Variants in BAIAP2 observed in about 807,000 individuals in gnomAD.
BAIAP2 encodes BAR/IMD domain-containing adapter protein 2.
In BAIAP2, 18 loss-of-function variants were observed where a neutral mutation model predicts 63.0. That is an observed-to-expected ratio of 0.29 (90% CI 0.20 to 0.42). The LOEUF (loss-of-function observed/expected upper bound fraction) is 0.42. Among genes scored for constraint, BAIAP2 ranks in the 10% least tolerant of loss-of-function variants. The probability of loss-of-function intolerance (pLI) is 1.00; values close to 1 mark genes in which losing one functional copy is unlikely to be tolerated. For synonymous variants in BAIAP2, 386 were observed against 307.6 expected, an observed-to-expected ratio of 1.25 and a Z score of -2.67; for missense variants, 610 against 734.3, an observed-to-expected ratio of 0.83 and a Z score of 1.96.
At chr17:81,053,548 T>C (rs2049004086) in intron 1 of BAIAP2, 120 bp from the exon 2 acceptor site, 1 of 1,005,474 alleles carries the variant, frequency 9.9e-7, no homozygotes, top group South Asian at 1.4e-5. Flanking sequence ...CCTTGAGCAT[T>C]TGTGGTGTCG....
At chr17:81,072,757 G>T (rs1163326077) in intron 3 of BAIAP2, among the ~76,000 whole-genome samples, 2 of 151,952 alleles carry the variant, frequency 1.3e-5, no homozygotes, top group Admixed American at 6.5e-5. Context: ...TCTTCGCCCA[G>T]CGTCCTCTGC....
intron 6 of BAIAP2, among the ~76,000 whole-genome samples, chr17:81,096,109 G>A (rs1192170191): frequency 6.6e-6 from 1 of 152,192 alleles, no homozygotes; most frequent in African/African-American, 2.4e-5. Flanking sequence ...ACTCCAAGCA[G>A]CACCTTCTCT....
intron 3 of BAIAP2, among the ~76,000 whole-genome samples, chr17:81,065,151 C>T (rs976019143): frequency 6.6e-6 from 1 of 152,174 alleles, no homozygotes; most frequent in Non-Finnish European, 1.5e-5. Context: ...ACTGGCAGCT[C>T]GGGGAGACTG....
chr17:81,098,968 C>G (rs1598772772), intron 6 of BAIAP2, among the ~76,000 whole-genome samples: 1 of 10,800 alleles, frequency 9.3e-5, no homozygotes, highest in South Asian at 4.2e-3. Context: ...CCCCGTCCCC[C>G]CATCCCCCCA....
intron 1 of BAIAP2, among the ~76,000 whole-genome samples, chr17:81,047,952 C>T (rs1224369718): frequency 6.6e-6 from 1 of 152,258 alleles, no homozygotes; most frequent in Non-Finnish European, 1.5e-5. Flanking sequence ...TACGCGCCCA[C>T]CCTGGCATCT....
chr17:81,058,325 A>G (rs1568090733), intron 3 of BAIAP2, among the ~76,000 whole-genome samples: 1 of 152,182 alleles, frequency 6.6e-6, no homozygotes, highest in Non-Finnish European at 1.5e-5. Flanking sequence ...AAAAGGATGC[A>G]AGCCCACGTG....
At chr17:81,112,006 T>A (rs2059981502) in intron 13 of BAIAP2, among the ~76,000 whole-genome samples, 1 of 152,248 alleles carries the variant, frequency 6.6e-6, no homozygotes, top group South Asian at 2.1e-4. Flanking sequence ...TGTTGTTGAT[T>A]TTCGGCAACA....
At chr17:81,048,122 C>T (rs552229392) in intron 1 of BAIAP2, among the ~76,000 whole-genome samples, 10 of 152,322 alleles carry the variant, frequency 6.6e-5, no homozygotes, top group East Asian at 5.8e-4. Flanking sequence ...CAGTGGCTCT[C>T]GCCTGTAATC....
chr17:81,111,200 CCT>C (rs2059888675), intron 13 of BAIAP2, among the ~76,000 whole-genome samples: 1 of 152,258 alleles, frequency 6.6e-6, no homozygotes, highest in Non-Finnish European at 1.5e-5. Flanking sequence ...GCCCGGGGCT[CCT>C]CTCACTGCTG....
intron 1 of BAIAP2, among the ~76,000 whole-genome samples, chr17:81,035,650 G>A (rs1427592783): frequency 6.6e-6 from 1 of 151,340 alleles, no homozygotes; most frequent in Non-Finnish European, 1.5e-5. Context: ...ACGGAGCCGC[G>A]CGCCGGGCCC....
chr17:81,115,872 CT>C lies in BAIAP2; in HGVS notation c.*35del, dbSNP rs1568208712. 1 of 1,611,756 alleles carries C rather than the reference CT, an allele frequency of 6.2e-7. No individual in the cohort carries two copies. Among genetic ancestry groups the C allele is most frequent in the Non-Finnish European group, 8.5e-7 (1 of 1,179,394 alleles). ...ATCTGCAGTGCTGCCCATCTGGTGGCTTCCCCCGCCCTTCCCATGTAGCCTG... is the reference window on the plus strand; with the variant it reads ...ATCTGCAGTGCTGCCCATCTGGTGGCTCCCCCGCCCTTCCCATGTAGCCTG... On this transcript the variant is annotated 3_prime_UTR_variant, in exon 14 of 14. Transcript: ENST00000428708.
intron 3 of BAIAP2, among the ~76,000 whole-genome samples, chr17:81,066,076 G>A (rs2051406095): frequency 6.6e-6 from 1 of 152,240 alleles, no homozygotes; most frequent in African/African-American, 2.4e-5. Context: ...CTGCTCTGTG[G>A]CCCTGCCACG....
At chr17:81,103,179 C>G (rs1016575282) in intron 7 of BAIAP2, among the ~76,000 whole-genome samples, 1 of 152,192 alleles carries the variant, frequency 6.6e-6, no homozygotes, top group South Asian at 2.1e-4. Context: ...GTTTGCCCAC[C>G]GGAGTTTGAC....
chr17:81,071,370 T>C (rs2052623724), intron 3 of BAIAP2, among the ~76,000 whole-genome samples: 1 of 152,192 alleles, frequency 6.6e-6, no homozygotes, highest in Non-Finnish European at 1.5e-5. Flanking sequence ...GAGGGCGCTC[T>C]GTTCGAGCCC....
At chr17:81,058,589 G>A (rs547762729) in intron 3 of BAIAP2, among the ~76,000 whole-genome samples, 64 of 152,208 alleles carry the variant, frequency 4.2e-4, no homozygotes, top group African/African-American at 1.5e-3. Flanking sequence ...TCCTCTGCCC[G>A]CCTGGGAGAC....
intron 7 of BAIAP2, among the ~76,000 whole-genome samples, chr17:81,101,955 C>T (rs1161646089): frequency 2.0e-5 from 3 of 152,210 alleles, no homozygotes; most frequent in Non-Finnish European, 4.4e-5. Context: ...GGCCAGGCCC[C>T]ATGACGGGGC....
chr17:81,043,030 C>T (rs1226028879), intron 1 of BAIAP2, among the ~76,000 whole-genome samples: 1 of 152,008 alleles, frequency 6.6e-6, no homozygotes, highest in African/African-American at 2.4e-5. Context: ...ACCACACTGG[C>T]TAATTTTAGT....
chr17:81,070,211 G>A (rs1264753312), intron 3 of BAIAP2, among the ~76,000 whole-genome samples: 3 of 152,242 alleles, frequency 2.0e-5, no homozygotes, highest in East Asian at 1.9e-4. Context: ...CTCCTATCTC[G>A]GCCTCCCAAA....
At chr17:81,106,196 G>T in intron 11 of BAIAP2, 50 bp downstream of exon 11, 1 of 1,528,942 alleles carries the variant, frequency 6.5e-7, no homozygotes. Flanking sequence ...CGGGAGAGGG[G>T]CTGTGATGAC....
Sources: allele counts gnomAD v4.1 joint callset (sites outside exome capture counted in the v4.1 genomes callset), GRCh38; gene constraint gnomAD v4.1.1; transcripts MANE v1.5; gene names NCBI Gene and HGNC (gene_info 2026-07-23, HGNC 2026-07-21).